Variants in CROCC2 observed in about 807,000 individuals in gnomAD.
CROCC2 encodes ciliary rootlet coiled-coil protein 2.
A neutral mutation model predicts 177.6 loss-of-function variants in CROCC2; 163 were observed. The ratio of observed to expected loss-of-function variants is 0.92; its 90% confidence interval spans 0.81 to 1.05. The LOEUF (loss-of-function observed/expected upper bound fraction) is 1.05, where lower values mean the gene tolerates loss of function less well. Among genes scored for constraint, CROCC2 ranks in the 50% least tolerant of loss-of-function variants. The probability of loss-of-function intolerance (pLI) is 0.00; values close to 1 mark genes in which losing one functional copy is unlikely to be tolerated. For synonymous variants in CROCC2, 904 were observed against 787.3 expected (o/e 1.15, Z -2.48); for missense variants, 1,929 against 1,797.8 (o/e 1.07, Z -1.32).
intron 14 of CROCC2, among the ~76,000 whole-genome samples, chr2:240,936,897 G>A (rs893178275): frequency 6.6e-6 from 1 of 152,210 alleles, no homozygotes; most frequent in Non-Finnish European, 1.5e-5. Flanking sequence ...AATTGGAGGA[G>A]GGGCCTGCTG....
intron 21 of CROCC2, chr2:240,964,032 G>A: frequency 1.7e-6 from 1 of 581,096 alleles, no homozygotes. Flanking sequence ...GGCAAGATAG[G>A]TCACAGGTGG....
chr2:240,935,643 G>A, intron 14 of CROCC2, 55 bp downstream of exon 14: 2 of 1,313,980 alleles, frequency 1.5e-6, no homozygotes, highest in Non-Finnish European at 2.0e-6. Flanking sequence ...TGGGTGGCAG[G>A]TCTTGCCTAA....
chr2:240,921,469 G>A (rs1048624158), intron 3 of CROCC2, among the ~76,000 whole-genome samples: 1 of 152,204 alleles, frequency 6.6e-6, no homozygotes, highest in African/African-American at 2.4e-5. Context: ...CCTAGCACAG[G>A]GTGGGGAGAT....
chr2:240,991,326 G>T, intron 31 of CROCC2, 48 bp downstream of exon 31: 1 of 1,502,534 alleles, frequency 6.7e-7, no homozygotes, highest in South Asian at 1.3e-5. Context: ...CTTCAGCCCT[G>T]ACTGGCCAGG....
Position 240,993,181 on chromosome 2 carries a change from G to T in CROCC2, c.*100G>T. On this transcript the variant is annotated 3_prime_UTR_variant, in exon 32 of 32. Coordinates refer to ENST00000690015, the MANE Select transcript of CROCC2 (RefSeq NM_001351305.2). ...TGATTTCTCAGCGTCACAGTGAAAGGCACCCGTGATGAGACAGCTCGCTCT... is the reference window on the plus strand; with the variant it reads ...TGATTTCTCAGCGTCACAGTGAAAGTCACCCGTGATGAGACAGCTCGCTCT... 1 of 685,816 alleles carries T rather than the reference G, an allele frequency of 1.5e-6. No individual in the cohort carries two copies. Among genetic ancestry groups the T allele is most frequent in the Non-Finnish European group, 2.7e-6 (1 of 363,944 alleles). 42.5% of individuals were successfully genotyped at this position (685,816 alleles called of 1,614,324 possible). A position where few individuals can be genotyped will look rare whatever the true frequency, so the allele number is the denominator to read the frequency against.
chr2:240,909,827 G>A (rs2059276246), intron 1 of CROCC2, among the ~76,000 whole-genome samples: 1 of 152,158 alleles, frequency 6.6e-6, no homozygotes, highest in South Asian at 2.1e-4. Flanking sequence ...GCGGGTGCCA[G>A]ACGCCCAGAT....
In CROCC2 at chr2:240,964,510, T is replaced by C; in HGVS notation, c.3350T>C (p.Leu1117Pro). ...GAGAAGGAGCAGAAGCTGCTCATCC[T>C]GGAGGAGGCCCAGGCGGCGTTGCAG... ...KEEKEQKLLI[L>P]EEAQAALQQE... The change falls in exon 22 of 32, where the codon CTG (leucine) becomes CCG (proline). Residue 1117 changes from leucine to proline, a missense_variant. This residue lies in a region of CROCC2 where 1,397 missense variants were observed against 1,239.9 expected (regional missense o/e 1.13). Transcript: ENST00000690015. The C allele has an allele frequency of 5.8e-6, 9 of 1,549,150 alleles. No individual in the cohort carries two copies. Among genetic ancestry groups the C allele is most frequent in the South Asian group, 1.2e-5 (1 of 83,988 alleles).
chr2:240,972,908 C>G lies in CROCC2; in HGVS notation c.4401+4646C>G, dbSNP rs1368420542. Among the ~76,000 whole-genome samples, 1 of 152,042 alleles carries G rather than the reference C, an allele frequency of 6.6e-6. No homozygotes were observed. The highest frequency in any genetic ancestry group is 1.9e-4 in the East Asian group (1 of 5,134). ...AGAGGCCCCCGCTTTTGACACACAG[C>G]AAACCCAGGCAGAGAGCTCAGGGTT... is the stretch of plus-strand genomic sequence containing the variant. On this transcript the variant is annotated intron_variant, in intron 27 of 31. Transcript: ENST00000690015. This position sits in a 1 kb window ranked among gnomAD's most constrained non-coding sequence, Gnocchi z 7.1.
At chr2:240,911,675 C>T (rs1289658650) in intron 1 of CROCC2, among the ~76,000 whole-genome samples, 2 of 151,994 alleles carry the variant, frequency 1.3e-5, no homozygotes, top group Non-Finnish European at 2.9e-5. Context: ...TCCCAGCCCC[C>T]ACCATCCTAC....
rs1055513915 is a variant in CROCC2, at chr2:240,950,444, G to A, written c.2763G>A (p.Gly921=). The A allele has an allele frequency of 2.6e-6, 4 of 1,550,242 alleles. No individual in the cohort carries two copies. The highest frequency in any genetic ancestry group is 3.5e-6 in the Non-Finnish European group (4 of 1,146,792). Reference sequence around the variant, plus strand: ...CAGCTGAGAGGGAGGCTCTGAAGGGGGAAATTCAGAGCCTGAAGCAGGAGC... The same window carrying A: ...CAGCTGAGAGGGAGGCTCTGAAGGGAGAAATTCAGAGCCTGAAGCAGGAGC... The part of the protein sequence containing the change: ...KSAAEREALK[G]EIQSLKQERD... Residue 921 remains glycine (G), a synonymous_variant, in exon 18 of 32, where the codon GGG becomes GGA. Transcript: ENST00000690015.
chr2:240,907,095 C>T (rs1461603204), intron 1 of CROCC2, among the ~76,000 whole-genome samples: 1 of 152,194 alleles, frequency 6.6e-6, no homozygotes, highest in African/African-American at 2.4e-5. Flanking sequence ...TGCTGACATT[C>T]TGGGACCTCG....
chr2:240,988,661 T>C (rs915730010), intron 28 of CROCC2, 78 bp from the exon 29 acceptor site: 3 of 1,280,364 alleles, frequency 2.3e-6, no homozygotes, highest in Admixed American at 3.9e-5. Context: ...GAGGCAACCC[T>C]GTGCTCCCAG....
rs2059614896 is a variant in CROCC2 at position 240,959,283 on chromosome 2, G to T, written c.2944-18G>T. On this transcript the variant is annotated intron_variant, in intron 19 of 31. Coordinates refer to ENST00000690015, the MANE Select transcript of CROCC2 (RefSeq NM_001351305.2). ...GCCCAGCTCCCTGGTGCCACCGTGG[G>T]CTCCCTTCTCCCCGCAGGCCACCAT... 1 of 1,549,244 alleles carries T rather than the reference G, an allele frequency of 6.5e-7. No individual in the cohort carries two copies. Among genetic ancestry groups the T allele is most frequent in the Non-Finnish European group, 8.7e-7 (1 of 1,146,384 alleles).
intron 20 of CROCC2, 21 bp from the exon 21 acceptor site, chr2:240,963,535 G>C: frequency 6.6e-7 from 1 of 1,517,122 alleles, no homozygotes; most frequent in Non-Finnish European, 8.9e-7. Context: ...CGGGCCTCTA[G>C]AGCTGAATGG....
chr2:240,985,717 A>C (rs1342891368), intron 28 of CROCC2, among the ~76,000 whole-genome samples: 30 of 67,106 alleles, frequency 4.5e-4, no homozygotes, highest in Non-Finnish European at 8.5e-4. Flanking sequence ...ACACACACAC[A>C]CCCAGGCACT....
At chr2:240,928,468 T>C (rs1405793825) in intron 5 of CROCC2, among the ~76,000 whole-genome samples, 1 of 141,794 alleles carries the variant, frequency 7.1e-6, no homozygotes, top group African/African-American at 2.8e-5. Context: ...AGAAATTGCG[T>C]ACACTCCCCG....
rs1444449573 is a variant in CROCC2 at position 240,933,149 on chromosome 2, A to C, written c.1270A>C (p.Lys424Gln). 2 of 1,549,884 alleles carry C rather than the reference A, an allele frequency of 1.3e-6. No individual in the cohort carries two copies. Among genetic ancestry groups the C allele is most frequent in the Non-Finnish European group, 1.7e-6 (2 of 1,146,754 alleles). Residue 424 changes from lysine to glutamine, a missense_variant, in exon 10 of 32, where the codon AAG (lysine) becomes CAG (glutamine). Physicochemically the swap from Lys to Gln is moderately conservative, Grantham distance 53 (BLOSUM62 1). Coordinates refer to ENST00000690015, the MANE Select transcript of CROCC2 (RefSeq NM_001351305.2). ...RREQELCLQL[K>Q]SSQALVASLQ... ...CGAGCAGGAGCTGTGCCTGCAGCTG[A>C]AGTCCTCCCAGGCACTGGTGGCCAG...
At chr2:240,984,698 T>TAACTGATA (rs2059825487) in intron 28 of CROCC2, among the ~76,000 whole-genome samples, 1 of 61,314 alleles carries the variant, frequency 1.6e-5, no homozygotes, top group Non-Finnish European at 3.1e-5. Context: ...ACCCAGGCAC[T>TAACTGATA]CACTCCACAC....
chr2:240,923,508 C>T (rs868488031), intron 4 of CROCC2, among the ~76,000 whole-genome samples: 1 of 104,638 alleles, frequency 9.6e-6, no homozygotes, highest in African/African-American at 4.2e-5. Context: ...TAACCCAGCC[C>T]CCAACACTAA....
Sources: allele counts gnomAD v4.1 joint callset (sites outside exome capture counted in the v4.1 genomes callset), GRCh38; gene constraint gnomAD v4.1.1; regional missense constraint gnomAD v4.1.1; non-coding constraint Gnocchi (gnomAD v3.1); transcripts MANE v1.5; gene names NCBI Gene and HGNC (gene_info 2026-07-23, HGNC 2026-07-21).